The following ADGRV1 variants were observed in gnomAD, a reference collection of about 807,000 sequenced individuals.
ADGRV1 encodes adhesion G protein-coupled receptor V1.
In ADGRV1, 359 loss-of-function variants were observed where a neutral mutation model predicts 596.2. The observed-to-expected ratio is 0.60, with a 90% confidence interval of 0.55 to 0.66. ADGRV1 has a LOEUF of 0.66. ADGRV1 is among the 30% of genes least tolerant of loss of function. The pLI, the probability that ADGRV1 is intolerant of heterozygous loss-of-function variation, is 0.00. For synonymous variants in ADGRV1, 2,681 were observed against 2,679.2 expected (o/e 1.00, Z -0.02); for missense variants, 7,274 against 7,575.6 (o/e 0.96, Z 1.48).
At chr5:90,916,778 G>A (rs889721040) in intron 83 of ADGRV1, among the ~76,000 whole-genome samples, 5 of 146,608 alleles carry the variant, frequency 3.4e-5, no homozygotes, top group South Asian at 2.2e-4. Flanking sequence ...GACTACAGGC[G>A]CCCGCCACTA....
At chr5:90,853,143 C>G in intron 79 of ADGRV1, 141 bp from the exon 80 acceptor site, 1 of 747,448 alleles carries the variant, frequency 1.3e-6, no homozygotes. Flanking sequence ...AAGGCACATT[C>G]TATTTACTGC....
intron 83 of ADGRV1, among the ~76,000 whole-genome samples, chr5:90,932,120 A>G (rs1561962332): frequency 6.6e-6 from 1 of 152,164 alleles, no homozygotes; most frequent in East Asian, 1.9e-4. Context: ...GTAAATCTGT[A>G]TGTAATCATT....
intron 79 of ADGRV1, among the ~76,000 whole-genome samples, chr5:90,852,014 A>C (rs894951240): frequency 7.2e-5 from 11 of 152,184 alleles, no homozygotes; most frequent in Non-Finnish European, 1.3e-4. Flanking sequence ...GAGAGTCACC[A>C]TTGAAGATGT....
intron 83 of ADGRV1, among the ~76,000 whole-genome samples, chr5:90,866,424 A>G (rs1467642988): frequency 1.3e-5 from 2 of 151,658 alleles, no homozygotes; most frequent in Non-Finnish European, 2.9e-5. Context: ...TTGAATCTGG[A>G]GTTTGTCATT....
At chr5:91,082,849 T>C (rs1429851354) in intron 86 of ADGRV1, among the ~76,000 whole-genome samples, 1 of 152,194 alleles carries the variant, frequency 6.6e-6, no homozygotes, top group Non-Finnish European at 1.5e-5. Context: ...ACTTTTTCCA[T>C]GTATTATTTG....
chr5:91,141,289 T>C (rs1188069749), intron 87 of ADGRV1, among the ~76,000 whole-genome samples: 2 of 152,236 alleles, frequency 1.3e-5, no homozygotes, highest in Non-Finnish European at 2.9e-5. Flanking sequence ...TTTTGAATAG[T>C]GTCCCCTAAA....
At chr5:91,022,260 G>T (rs1783700605) in intron 85 of ADGRV1, among the ~76,000 whole-genome samples, 1 of 151,982 alleles carries the variant, frequency 6.6e-6, no homozygotes, top group African/African-American at 2.4e-5. Context: ...TAGAATCTAT[G>T]ATGACAGATC....
rs1165455689 is a variant in ADGRV1 at position 90,958,300 on chromosome 5, A to G, written c.17857-7115A>G. Reference sequence around the variant, plus strand: ...CCTTGTCTCAAAAAAAAAAAAAAAAAAAAGAAAAGAAAAGAAAAAGGGAAA... The same window carrying G: ...CCTTGTCTCAAAAAAAAAAAAAAAAGAAAGAAAAGAAAAGAAAAAGGGAAA... On this transcript the variant is annotated intron_variant, in intron 83 of 89. Transcript: ENST00000405460. Among the ~76,000 whole-genome samples the G allele has an allele frequency of 7.1e-5, 10 of 139,950 alleles. No homozygotes were observed. The East Asian group carries it at 1.2e-3, about 17-fold the overall frequency. The allele number at this position is 139,950 out of a possible 152,430, so 91.8% of individuals were successfully genotyped here. A position where few individuals can be genotyped will look rare whatever the true frequency, so the allele number is the denominator to read the frequency against.
rs16868932 is a variant in ADGRV1, at chr5:90,652,182, T to C, written c.3417-164T>C. Among the ~76,000 whole-genome samples, 23,949 of 152,124 alleles carry C rather than the reference T, an allele frequency of 0.16. 2,070 individuals are homozygous for C. Among genetic ancestry groups the C allele is most frequent in the East Asian group, 0.36 (1,882 of 5,160 alleles). ...TTTCTCTTTTATTAAAGTTCTACCT[T>C]ATTCTTCTCTTCCCATGAAATTCTT... is the stretch of plus-strand genomic sequence containing the variant. On this transcript the variant is annotated intron_variant, in intron 18 of 89. Transcript: ENST00000405460.
intron 50 of ADGRV1, among the ~76,000 whole-genome samples, chr5:90,740,627 A>G (rs1753842484): frequency 6.6e-6 from 1 of 152,178 alleles, no homozygotes. Context: ...GCCGCCACCA[A>G]GATCTGCTTG....
intron 1 of ADGRV1, among the ~76,000 whole-genome samples, chr5:90,580,578 TC>T: frequency 6.6e-6 from 1 of 152,324 alleles, no homozygotes; most frequent in Admixed American, 6.5e-5. Flanking sequence ...GGTTGAAAAT[TC>T]ATTTCTTTAA....
chr5:90,795,086 GTTTTTTTTTTT>G (rs35362542), intron 70 of ADGRV1, among the ~76,000 whole-genome samples: 1 of 120,450 alleles, frequency 8.3e-6, no homozygotes, highest in South Asian at 3.2e-4. Context: ...AGCTGCAGAA[GTTTTTTTTTTT>G]TTTTTTTTTT....
At chr5:90,835,462 G>T (rs913097998) in intron 77 of ADGRV1, among the ~76,000 whole-genome samples, 1 of 152,190 alleles carries the variant, frequency 6.6e-6, no homozygotes. Flanking sequence ...GACTCTTGTG[G>T]TCACTGCCAC....
intron 59 of ADGRV1, 117 bp from the exon 60 acceptor site, chr5:90,774,069 A>G: frequency 2.3e-6 from 1 of 436,422 alleles, no homozygotes; most frequent in Non-Finnish European, 4.1e-6. Flanking sequence ...AATTCTAGTG[A>G]CAAAAAAGAC....
At chr5:90,857,805 C>A (rs1228288294) in intron 82 of ADGRV1, among the ~76,000 whole-genome samples, 1 of 152,138 alleles carries the variant, frequency 6.6e-6, no homozygotes. Context: ...CATACATATT[C>A]TTTATATATC....
Position 90,657,977 on chromosome 5 carries a change from G to A in ADGRV1, c.4451G>A (p.Arg1484Lys). The A allele has an allele frequency of 6.2e-7, 1 of 1,613,926 alleles. No individual in the cohort carries two copies. The highest frequency in any genetic ancestry group is 8.5e-7 in the Non-Finnish European group (1 of 1,179,836). The change falls in exon 21 of 90, where the codon AGG becomes AAG. Residue 1484 changes from arginine to lysine, a missense_variant. This residue lies in a region of ADGRV1 where 3,643 missense variants were observed against 3,809.2 expected (regional missense o/e 0.96). Coordinates refer to ENST00000405460, the MANE Select transcript of ADGRV1 (RefSeq NM_032119.4). ...TTTACAGGTCTGATGCAGGATGTGA[G>A]GTCCTATGAGCGGAAACTGACGCTT... ...DRFTGLMQDV[R>K]SYERKLTLEE...
At chr5:91,000,589 A>T (rs1455929734) in intron 85 of ADGRV1, among the ~76,000 whole-genome samples, 2 of 151,802 alleles carry the variant, frequency 1.3e-5, no homozygotes, top group Non-Finnish European at 2.9e-5. Flanking sequence ...TAAATATTGT[A>T]TATTAGGTTG....
chr5:91,058,462 C>CTTT (rs11414131), intron 85 of ADGRV1, among the ~76,000 whole-genome samples: 3 of 144,404 alleles, frequency 2.1e-5, no homozygotes, highest in Admixed American at 6.9e-5. Flanking sequence ...GGTAATTGAC[C>CTTT]TTTTTTTTTT....
At chr5:90,869,052 G>C (rs760653103) in intron 83 of ADGRV1, among the ~76,000 whole-genome samples, 1 of 152,090 alleles carries the variant, frequency 6.6e-6, no homozygotes, top group African/African-American at 2.4e-5. Flanking sequence ...CACACAAAGC[G>C]TGTAAATAAT....
Sources: allele counts gnomAD v4.1 joint callset (sites outside exome capture counted in the v4.1 genomes callset), GRCh38; gene constraint gnomAD v4.1.1; regional missense constraint gnomAD v4.1.1; transcripts MANE v1.5; gene names NCBI Gene and HGNC (gene_info 2026-07-23, HGNC 2026-07-21).